GRID2: variants seen among roughly 807,000 people sequenced by gnomAD.
GRID2 encodes the protein glutamate ionotropic receptor delta type subunit 2.
GRID2 carries 33 observed loss-of-function variants against 114.8 expected under a neutral mutation model. That is an observed-to-expected ratio of 0.29 (90% CI 0.22 to 0.38). The LOEUF is 0.38. GRID2 is among the 10% of genes least tolerant of loss of function. GRID2 has a pLI of 1.00. For missense variants in GRID2, 1,184 were observed against 1,257.7 expected (o/e 0.94, Z 0.89); for synonymous variants, 505 against 449.9 (o/e 1.12, Z -1.55).
exon 2 of GRID2, chr4:93,809,233 A>T (rs1422391316): frequency 6.6e-6 from 1 of 152,098 alleles, no homozygotes; most frequent in African/African-American, 2.4e-5. Flanking sequence ...ATTTCTGATT[A>T]TTTCATATGG....
chr4:93,664,297 TAG>T (rs1303346877), intron 14 of GRID2, among the ~76,000 whole-genome samples: 1 of 152,184 alleles, frequency 6.6e-6, no homozygotes, highest in Non-Finnish European at 1.5e-5. Flanking sequence ...GGCTTTGCTT[TAG>T]AGTGAGTAGG....
intron 1 of GRID2, among the ~76,000 whole-genome samples, chr4:92,458,802 CAG>C (rs1213555993): frequency 6.6e-6 from 1 of 152,084 alleles, no homozygotes; most frequent in African/African-American, 2.4e-5. Flanking sequence ...TTAAAGGTGT[CAG>C]AGTTCAAAAT....
chr4:93,178,017 C>G (rs1057460744), intron 4 of GRID2, among the ~76,000 whole-genome samples: 5 of 151,794 alleles, frequency 3.3e-5, no homozygotes, highest in Non-Finnish European at 7.4e-5. Flanking sequence ...TAATTTCTCT[C>G]TCTTTGCTAC....
chr4:93,087,393 A>G (rs1206720592), intron 3 of GRID2, among the ~76,000 whole-genome samples: 2 of 152,156 alleles, frequency 1.3e-5, no homozygotes, highest in African/African-American at 2.4e-5. Flanking sequence ...ATAAATGACC[A>G]TGAAGAAAGA....
At chr4:93,481,601 A>G (rs550997980) in intron 11 of GRID2, among the ~76,000 whole-genome samples, 5 of 152,162 alleles carry the variant, frequency 3.3e-5, no homozygotes, top group African/African-American at 9.6e-5. Flanking sequence ...CAAAATCACT[A>G]TTATTGCCAT....
At chr4:93,534,655 A>G (rs962887723) in intron 13 of GRID2, among the ~76,000 whole-genome samples, 30 of 152,260 alleles carry the variant, frequency 2.0e-4, no homozygotes, top group Admixed American at 4.6e-4. Context: ...ATTAAACAAA[A>G]GTGAATTGAT....
chr4:93,583,865 T>C (rs1474660414), intron 13 of GRID2, among the ~76,000 whole-genome samples: 3 of 151,938 alleles, frequency 2.0e-5, no homozygotes, highest in Admixed American at 6.6e-5. Context: ...ACTACAACAA[T>C]AGCACAACAA....
chr4:92,988,984 A>G (rs1351396357), intron 2 of GRID2, among the ~76,000 whole-genome samples: 2 of 152,140 alleles, frequency 1.3e-5, no homozygotes, highest in Non-Finnish European at 2.9e-5. Context: ...CTTTAAGTAT[A>G]TATAAAAATC....
At chr4:92,398,444 G>C (rs920202212) in intron 1 of GRID2, among the ~76,000 whole-genome samples, 5 of 152,000 alleles carry the variant, frequency 3.3e-5, no homozygotes, top group Non-Finnish European at 5.9e-5. Context: ...GGGACTACAG[G>C]GGTACACCAC....
chr4:92,402,977 C>T (rs1730860650), intron 1 of GRID2, among the ~76,000 whole-genome samples: 1 of 152,206 alleles, frequency 6.6e-6, no homozygotes, highest in African/African-American at 2.4e-5. Flanking sequence ...TTCTGCATAA[C>T]TTGCCGCAGC....
At chr4:93,647,633 T>G (rs1722226983) in intron 14 of GRID2, among the ~76,000 whole-genome samples, 1 of 152,146 alleles carries the variant, frequency 6.6e-6, no homozygotes, top group Non-Finnish European at 1.5e-5. Flanking sequence ...CCCAAATCAG[T>G]TCATCTTCTT....
chr4:93,304,694 GA>G (rs923858899), intron 8 of GRID2, among the ~76,000 whole-genome samples: 4 of 151,192 alleles, frequency 2.6e-5, no homozygotes, highest in East Asian at 3.9e-4. Context: ...GACACCAGTA[GA>G]AAAAAAAATT....
In GRID2 at chr4:92,304,129, T is replaced by A. The variant is rs1725252133; in HGVS notation, c.-528T>A. On this transcript the variant is annotated 5_prime_UTR_variant, in exon 1 of 16. Transcript: ENST00000282020. ...CCTGGTGGAATCTGGCTGCTCCGTT[T>A]GGAATCTCCTAATCTTTCCTTTCCA... is the stretch of plus-strand genomic sequence containing the variant. 6.1e-6 allele frequency: 1 copy of A among 163,454 alleles called. No homozygotes were observed. The highest frequency in any genetic ancestry group is 2.4e-5 in the African/African-American group (1 of 41,506). The allele number at this position is 163,454 out of a possible 1,614,324, so 10.1% of individuals were successfully genotyped here. A position where few individuals can be genotyped will look rare whatever the true frequency, so the allele number is the denominator to read the frequency against.
chr4:93,033,827 C>A (rs1724667439), intron 2 of GRID2, among the ~76,000 whole-genome samples: 1 of 152,114 alleles, frequency 6.6e-6, no homozygotes, highest in Non-Finnish European at 1.5e-5. Context: ...ACCACATTGT[C>A]CCCACTATCT....
intron 1 of GRID2, among the ~76,000 whole-genome samples, chr4:92,428,373 C>T (rs1197998643): frequency 6.6e-6 from 1 of 151,950 alleles, no homozygotes; most frequent in Non-Finnish European, 1.5e-5. Context: ...ATCTTTAATT[C>T]TTATTCTTTT....
At chr4:92,347,786 C>A (rs1727846896) in intron 1 of GRID2, among the ~76,000 whole-genome samples, 1 of 151,982 alleles carries the variant, frequency 6.6e-6, no homozygotes, top group Non-Finnish European at 1.5e-5. Flanking sequence ...CAGAGTTTTT[C>A]TGTTCTTTGA....
At chr4:92,765,232 A>C (rs1021701242) in intron 2 of GRID2, among the ~76,000 whole-genome samples, 2 of 152,208 alleles carry the variant, frequency 1.3e-5, no homozygotes, top group Admixed American at 6.5e-5. Flanking sequence ...AACATTTTTA[A>C]TTCTTTAGAA....
chr4:93,534,111 T>A lies in GRID2; in HGVS notation c.2193+18700T>A, dbSNP rs193277745. Among the ~76,000 whole-genome samples the A allele has an allele frequency of 5.6e-3, 845 of 152,212 alleles. 5 individuals carry two copies. The highest frequency in any genetic ancestry group is 8.0e-3 in the Non-Finnish European group (541 of 68,008). On this transcript the variant is annotated intron_variant, in intron 13 of 15. Coordinates refer to ENST00000282020, the MANE Select transcript of GRID2 (RefSeq NM_001510.4). ...TTCGTGACCTACTTTCTCACCATATTTGAGTCTTAGTTCAATGTTACCTTT... is the reference window on the plus strand; with the variant it reads ...TTCGTGACCTACTTTCTCACCATATATGAGTCTTAGTTCAATGTTACCTTT...
At chr4:92,606,574 G>A (rs1399410220) in intron 2 of GRID2, among the ~76,000 whole-genome samples, 1 of 151,928 alleles carries the variant, frequency 6.6e-6, no homozygotes, top group Non-Finnish European at 1.5e-5. Context: ...ATCCTGCTCT[G>A]TATCACTCTC....
Sources: allele counts gnomAD v4.1 joint callset (sites outside exome capture counted in the v4.1 genomes callset), GRCh38; gene constraint gnomAD v4.1.1; transcripts MANE v1.5; gene names NCBI Gene and HGNC (gene_info 2026-07-23, HGNC 2026-07-21).